ADGRL3: variants seen among roughly 807,000 people sequenced by gnomAD.
ADGRL3 encodes the protein adhesion G protein-coupled receptor L3.
ADGRL3 carries 62 observed loss-of-function variants against 153.5 expected under a neutral mutation model. The ratio of observed to expected loss-of-function variants is 0.40; its 90% CI spans 0.33 to 0.50. ADGRL3 has a LOEUF of 0.50. Ranked by LOEUF, ADGRL3 falls within the 20% of genes least tolerant of loss-of-function variation. The probability of loss-of-function intolerance (pLI) is 0.47; values close to 1 mark genes in which losing one functional copy is unlikely to be tolerated. For synonymous variants in ADGRL3, 710 were observed against 672.5 expected, an observed-to-expected ratio of 1.06 and a Z score of -0.86; for missense variants, 1,641 against 1,859.4, an observed-to-expected ratio of 0.88 and a Z score of 2.16.
intron 6 of ADGRL3, among the ~76,000 whole-genome samples, chr4:61,706,347 G>A (rs1216359783): frequency 2.0e-5 from 3 of 151,392 alleles, no homozygotes; most frequent in Non-Finnish European, 4.4e-5. Flanking sequence ...GCTTGAAACC[G>A]GGAAGCAGAG....
At chr4:61,897,201 C>T (rs2098636718) in intron 11 of ADGRL3, among the ~76,000 whole-genome samples, 1 of 152,092 alleles carries the variant, frequency 6.6e-6, no homozygotes, top group African/African-American at 2.4e-5. Context: ...ACCTCCTATT[C>T]TTCCAGTGCA....
At chr4:61,215,335 T>G (rs1161621695) in intron 1 of ADGRL3, among the ~76,000 whole-genome samples, 1 of 152,122 alleles carries the variant, frequency 6.6e-6, no homozygotes, top group Non-Finnish European at 1.5e-5. Flanking sequence ...TGAAAGCAGT[T>G]TTTGAAGTTA....
chr4:61,836,965 C>A (rs530461866), intron 9 of ADGRL3, among the ~76,000 whole-genome samples: 1 of 152,228 alleles, frequency 6.6e-6, no homozygotes, highest in African/African-American at 2.4e-5. Context: ...TCACCACTGA[C>A]TGAATGGCAA....
intron 4 of ADGRL3, among the ~76,000 whole-genome samples, chr4:61,525,359 A>G (rs1420262687): frequency 6.6e-6 from 1 of 152,142 alleles, no homozygotes; most frequent in Non-Finnish European, 1.5e-5. Flanking sequence ...TGACATTTTT[A>G]TGAAATGTCA....
intron 21 of ADGRL3, among the ~76,000 whole-genome samples, chr4:62,006,003 C>CACATATAT (rs1230956055): frequency 4.7e-4 from 23 of 48,988 alleles, no homozygotes; most frequent in East Asian, 4.5e-3. Context: ...CACACACACA[C>CACATATAT]ATATATATAT....
intron 4 of ADGRL3, among the ~76,000 whole-genome samples, chr4:61,535,146 A>C (rs1005893890): frequency 2.6e-5 from 4 of 151,940 alleles, no homozygotes; most frequent in Non-Finnish European, 4.4e-5. Flanking sequence ...TTTAAAACCA[A>C]GAAGGGATGT....
chr4:62,069,835 T>A (rs1429493590), intron 26 of ADGRL3, among the ~76,000 whole-genome samples: 1 of 152,154 alleles, frequency 6.6e-6, no homozygotes, highest in African/African-American at 2.4e-5. Context: ...TGTGTGGCAA[T>A]TGCAAATTGA....
chr4:61,979,192 T>C (rs1404274797), intron 17 of ADGRL3, among the ~76,000 whole-genome samples: 1 of 152,208 alleles, frequency 6.6e-6, no homozygotes, highest in Admixed American at 6.5e-5. Context: ...TATTCCCTAC[T>C]GGAGATGGTC....
intron 9 of ADGRL3, among the ~76,000 whole-genome samples, chr4:61,826,854 C>T (rs931657590): frequency 1.3e-5 from 2 of 151,976 alleles, no homozygotes; most frequent in Non-Finnish European, 2.9e-5. Context: ...CAACATGGCA[C>T]ATGTATACAT....
rs1233513175 is a variant in ADGRL3 at position 61,517,180 on chromosome 4, G to A, written c.56-135G>A. 16 of 617,298 alleles carry A rather than the reference G, an allele frequency of 2.6e-5. No individual in the cohort carries two copies. The South Asian group carries it at 2.7e-4, about 11-fold the overall frequency. 38.2% of individuals were successfully genotyped at this position (617,298 alleles called of 1,614,324 possible). A position where few individuals can be genotyped will look rare whatever the true frequency, so the allele number is the denominator to read the frequency against. The stretch of plus-strand genomic sequence containing the variant: ...TCTCAGCTGTAGGGTTGTCTGAGTA[G>A]GGCCTGGGGTGGCTGGAGTCTTGGG... On this transcript the variant is annotated intron_variant, in intron 3 of 26. Coordinates refer to ENST00000683033, the MANE Select transcript of ADGRL3 (RefSeq NM_001387552.1).
chr4:61,738,580 A>G (rs1002550388), intron 8 of ADGRL3, among the ~76,000 whole-genome samples: 6 of 152,166 alleles, frequency 3.9e-5, no homozygotes, highest in African/African-American at 1.4e-4. Context: ...GAGGAAAGAC[A>G]TGAAAAAAAA....
chr4:61,802,612 G>A (rs543190094), intron 8 of ADGRL3, among the ~76,000 whole-genome samples: 68 of 152,164 alleles, frequency 4.5e-4, no homozygotes, highest in African/African-American at 1.6e-3. Context: ...TGACATGCTT[G>A]TTAAAACCCT....
At chr4:61,373,569 A>G (rs1244351626) in intron 1 of ADGRL3, among the ~76,000 whole-genome samples, 3 of 152,204 alleles carry the variant, frequency 2.0e-5, no homozygotes, top group Admixed American at 2.0e-4. Context: ...ATTACATTTA[A>G]TAACAATGGA....
chr4:61,872,370 C>T (rs968903104), intron 9 of ADGRL3, among the ~76,000 whole-genome samples: 12 of 150,388 alleles, frequency 8.0e-5, no homozygotes, highest in Non-Finnish European at 1.8e-4. Context: ...ATAATGCCTG[C>T]CAACATACCA....
chr4:61,294,572 A>G (rs1257281414), intron 1 of ADGRL3, among the ~76,000 whole-genome samples: 1 of 152,086 alleles, frequency 6.6e-6, no homozygotes, highest in Non-Finnish European at 1.5e-5. Context: ...CATCGTGGTA[A>G]TTGATAGTGC....
chr4:61,327,736 A>G (rs1204808273), intron 1 of ADGRL3, among the ~76,000 whole-genome samples: 1 of 152,214 alleles, frequency 6.6e-6, no homozygotes, highest in Non-Finnish European at 1.5e-5. Flanking sequence ...AGAGTTGGGA[A>G]GAGATTGTAG....
At chr4:61,419,788 A>G (rs1327739986) in intron 2 of ADGRL3, among the ~76,000 whole-genome samples, 1 of 151,274 alleles carries the variant, frequency 6.6e-6, no homozygotes, top group Non-Finnish European at 1.5e-5. Flanking sequence ...AGATTTAAAC[A>G]TATTTAGATT....
At chr4:61,705,100 T>A (rs1285208813) in intron 6 of ADGRL3, among the ~76,000 whole-genome samples, 1 of 152,188 alleles carries the variant, frequency 6.6e-6, no homozygotes, top group Non-Finnish European at 1.5e-5. Flanking sequence ...ATGTTTGTAA[T>A]AGCATCTAGA....
At chr4:61,437,486 G>C (rs2097463350) in intron 2 of ADGRL3, among the ~76,000 whole-genome samples, 1 of 152,006 alleles carries the variant, frequency 6.6e-6, no homozygotes, top group South Asian at 2.1e-4. Flanking sequence ...ACAGTGTCTT[G>C]TCTATTTGAT....
Sources: gnomAD v4.1 joint callset for allele counts (sites outside exome capture counted in the v4.1 genomes callset) on GRCh38, gnomAD v4.1.1 for gene constraint, MANE v1.5 for transcripts, NCBI Gene and HGNC (gene_info 2026-07-23, HGNC 2026-07-21) for gene names.